Variants in PIP4K2A observed in about 807,000 individuals in gnomAD.
PIP4K2A encodes phosphatidylinositol 5-phosphate 4-kinase type-2 alpha.
PIP4K2A carries 14 observed loss-of-function variants against 42.9 expected under a neutral mutation model. The ratio of observed to expected loss-of-function variants is 0.33; its 90% CI spans 0.22 to 0.51. The LOEUF is 0.51. Among genes scored for constraint, PIP4K2A ranks in the 20% least tolerant of loss-of-function variants. The probability of loss-of-function intolerance (pLI) is 0.97; values close to 1 mark genes in which losing one functional copy is unlikely to be tolerated. For synonymous variants in PIP4K2A, 192 were observed against 192.2 expected (o/e 1.00, Z 0.01); for missense variants, 434 against 519.8 (o/e 0.83, Z 1.61).
In PIP4K2A at chr10:22,636,876, C is replaced by A. The variant is rs184099698; in HGVS notation, c.145-27159G>T. On this transcript the variant is annotated intron_variant, in intron 1 of 9. Coordinates refer to ENST00000376573, the MANE Select transcript of PIP4K2A (RefSeq NM_005028.5). The stretch of plus-strand genomic sequence containing the variant: ...ACCATAAGCACAAGCCTGACAAGCA[C>A]TGAGCCCTGGGTTTGTTCTTCTGGA... Among the ~76,000 whole-genome samples, 16 of 152,332 alleles carry A rather than the reference C, an allele frequency of 1.1e-4. No homozygotes were observed. In the East Asian group the frequency reaches 3.1e-3, roughly 29 times the overall value.
At chr10:22,592,030 G>T (rs769890592) in intron 3 of PIP4K2A, among the ~76,000 whole-genome samples, 1 of 152,186 alleles carries the variant, frequency 6.6e-6, no homozygotes, top group Non-Finnish European at 1.5e-5. Flanking sequence ...CTAATGTCTA[G>T]AATTATAATC....
chr10:22,685,418 G>GAAAA (rs1229878841), intron 1 of PIP4K2A, among the ~76,000 whole-genome samples: 1 of 152,110 alleles, frequency 6.6e-6, no homozygotes, highest in African/African-American at 2.4e-5. Flanking sequence ...AAAAGGGTTG[G>GAAAA]GCACAGTGGC....
chr10:22,592,744 G>GCAAAC (rs1837541868), intron 3 of PIP4K2A, among the ~76,000 whole-genome samples: 1 of 152,164 alleles, frequency 6.6e-6, no homozygotes, highest in African/African-American at 2.4e-5. Flanking sequence ...TGGCCGTCCA[G>GCAAAC]CCATGGGGTC....
At chr10:22,591,942 A>G (rs2130822583) in intron 3 of PIP4K2A, among the ~76,000 whole-genome samples, 161 bp from the exon 4 acceptor site, 1 of 152,378 alleles carries the variant, frequency 6.6e-6, no homozygotes, top group South Asian at 2.1e-4. Context: ...TACATGCATC[A>G]TAACTCACAT....
chr10:22,699,798 C>A (rs1833679800), intron 1 of PIP4K2A, among the ~76,000 whole-genome samples: 1 of 152,072 alleles, frequency 6.6e-6, no homozygotes, highest in Admixed American at 6.5e-5. Flanking sequence ...TGAAAAATTT[C>A]TAAGTTCTAC....
chr10:22,587,606 T>C (rs1837426946), intron 4 of PIP4K2A, among the ~76,000 whole-genome samples: 1 of 152,034 alleles, frequency 6.6e-6, no homozygotes, highest in South Asian at 2.1e-4. Flanking sequence ...CCTCCCTGGG[T>C]TTACCAATGA....
chr10:22,634,500 T>G (rs1564450177), intron 1 of PIP4K2A, among the ~76,000 whole-genome samples: 1 of 152,248 alleles, frequency 6.6e-6, no homozygotes, highest in East Asian at 1.9e-4. Flanking sequence ...ATTCTGCATA[T>G]GTTACTGTTA....
chr10:22,655,750 G>T (rs1839087613), intron 1 of PIP4K2A, among the ~76,000 whole-genome samples: 1 of 152,150 alleles, frequency 6.6e-6, no homozygotes, highest in African/African-American at 2.4e-5. Flanking sequence ...ACATGCATCT[G>T]TACCACGATT....
intron 1 of PIP4K2A, among the ~76,000 whole-genome samples, chr10:22,611,341 G>A (rs1838032642): frequency 6.6e-6 from 1 of 151,752 alleles, no homozygotes; most frequent in African/African-American, 2.4e-5. Flanking sequence ...AGTGAGCTGT[G>A]ATTGTACCAC....
At chr10:22,598,874 T>C (rs910787537) in intron 3 of PIP4K2A, among the ~76,000 whole-genome samples, 2 of 152,274 alleles carry the variant, frequency 1.3e-5, no homozygotes, top group African/African-American at 4.8e-5. Flanking sequence ...ATAATCAACA[T>C]GCACAAACTG....
At chr10:22,664,053 G>A (rs1171507) in intron 1 of PIP4K2A, among the ~76,000 whole-genome samples, 1,302 of 55,082 alleles carry the variant, frequency 0.024, 97 homozygotes, top group African/African-American at 0.19. Context: ...ATATACATAT[G>A]TATATATACA....
intron 1 of PIP4K2A, among the ~76,000 whole-genome samples, chr10:22,627,821 A>C: frequency 6.6e-6 from 1 of 152,208 alleles, no homozygotes; most frequent in Non-Finnish European, 1.5e-5. Context: ...AAGACAGTCT[A>C]GGGAGAATGT....
intron 1 of PIP4K2A, among the ~76,000 whole-genome samples, chr10:22,625,819 G>T (rs1838424534): frequency 6.6e-6 from 1 of 152,162 alleles, no homozygotes. Flanking sequence ...CTTTCACATA[G>T]ACGTGGTTTT....
At chr10:22,585,980 T>A (rs1837386883) in intron 4 of PIP4K2A, among the ~76,000 whole-genome samples, 1 of 152,064 alleles carries the variant, frequency 6.6e-6, no homozygotes, top group African/African-American at 2.4e-5. Flanking sequence ...AAAAAAAAAA[T>A]TCAGTCGATT....
chr10:22,558,986 G>T (rs1206171201), intron 6 of PIP4K2A, among the ~76,000 whole-genome samples: 1 of 152,068 alleles, frequency 6.6e-6, no homozygotes, highest in Non-Finnish European at 1.5e-5. Flanking sequence ...CAAAGGTGAC[G>T]GTTTGGTCTT....
At chr10:22,570,948 G>A (rs571499042) in intron 5 of PIP4K2A, among the ~76,000 whole-genome samples, 5 of 152,198 alleles carry the variant, frequency 3.3e-5, no homozygotes, top group African/African-American at 7.2e-5. Context: ...AGCTGTGTAC[G>A]AGTTGCTGAA....
chr10:22,588,323 T>C (rs1442831554), intron 4 of PIP4K2A, among the ~76,000 whole-genome samples: 1 of 152,232 alleles, frequency 6.6e-6, no homozygotes, highest in Non-Finnish European at 1.5e-5. Context: ...TGTATGTTTC[T>C]CAGCTTGTGG....
intron 1 of PIP4K2A, among the ~76,000 whole-genome samples, chr10:22,648,606 CCTTTT>C (rs1263622529): frequency 1.3e-5 from 2 of 152,128 alleles, no homozygotes; most frequent in Non-Finnish European, 2.9e-5. Flanking sequence ...AAACATGTGA[CCTTTT>C]CTTATGCAGT....
intron 1 of PIP4K2A, among the ~76,000 whole-genome samples, chr10:22,655,987 G>A (rs1204106672): frequency 1.3e-5 from 2 of 152,120 alleles, no homozygotes; most frequent in Non-Finnish European, 1.5e-5. Flanking sequence ...CATCTTGGGG[G>A]AATCAAACCA....
Sources: allele counts gnomAD v4.1 joint callset (sites outside exome capture counted in the v4.1 genomes callset), GRCh38; gene constraint gnomAD v4.1.1; transcripts MANE v1.5; gene names NCBI Gene and HGNC (gene_info 2026-07-23, HGNC 2026-07-21).